VAV3: variants seen among roughly 807,000 people sequenced by gnomAD.
VAV3 encodes the protein vav guanine nucleotide exchange factor 3.
Under a neutral mutation model 131.2 loss-of-function variants are expected in VAV3, and 94 were observed. The observed-to-expected ratio is 0.72, with a 90% confidence interval of 0.61 to 0.85. The LOEUF (loss-of-function observed/expected upper bound fraction) is 0.85, where lower values mean the gene tolerates loss of function less well. Among genes scored for constraint, VAV3 ranks in the 40% least tolerant of loss-of-function variants. VAV3 has a pLI of 0.00. For synonymous variants in VAV3, 349 were observed against 342.0 expected (o/e 1.02, Z -0.22); for missense variants, 939 against 1,002.7 (o/e 0.94, Z 0.86).
At chr1:107,823,582 A>G (rs1667890661) in intron 2 of VAV3, among the ~76,000 whole-genome samples, 1 of 152,170 alleles carries the variant, frequency 6.6e-6, no homozygotes, top group South Asian at 2.1e-4. Context: ...AGCTGAGCAA[A>G]GAGACAGAAG....
At chr1:107,633,568 T>C (rs988371485) in intron 20 of VAV3, among the ~76,000 whole-genome samples, 2 of 152,196 alleles carry the variant, frequency 1.3e-5, no homozygotes, top group Admixed American at 6.5e-5. Context: ...ACTGTTATTT[T>C]GGTATCCTGG....
Position 107,571,895 on chromosome 1 carries a change from G to A in VAV3, c.*1436C>T, listed in dbSNP as rs1023203867. Reference sequence around the variant, plus strand: ...ACCCAGACGGATTGATGAGAGGGCAGGCTACACCTGCTTCATTTCAGAGAT... The same window carrying A: ...ACCCAGACGGATTGATGAGAGGGCAAGCTACACCTGCTTCATTTCAGAGAT... On this transcript the variant is annotated 3_prime_UTR_variant, in exon 27 of 27. Coordinates refer to ENST00000370056, the MANE Select transcript of VAV3 (RefSeq NM_006113.5). 6.6e-6 allele frequency: 1 copy of A among 152,604 alleles called. No individual in the cohort carries two copies. The highest frequency in any genetic ancestry group is 1.5e-5 in the Non-Finnish European group (1 of 68,018). 9.5% of individuals were successfully genotyped at this position (152,604 alleles called of 1,614,324 possible). A position where few individuals can be genotyped will look rare whatever the true frequency, so the allele number is the denominator to read the frequency against.
intron 2 of VAV3, among the ~76,000 whole-genome samples, chr1:107,781,505 T>C (rs1557843212): frequency 6.6e-6 from 1 of 152,168 alleles, no homozygotes; most frequent in African/African-American, 2.4e-5. Context: ...GTTGCACAGA[T>C]CAATACATAT....
At chr1:107,933,154 C>T (rs1179660663) in intron 1 of VAV3, among the ~76,000 whole-genome samples, 1 of 152,088 alleles carries the variant, frequency 6.6e-6, no homozygotes, top group African/African-American at 2.4e-5. Context: ...AATGACAGTA[C>T]AGTGTAAATA....
At chr1:107,808,856 C>A (rs1180005751) in intron 2 of VAV3, among the ~76,000 whole-genome samples, 1 of 152,086 alleles carries the variant, frequency 6.6e-6, no homozygotes, top group African/African-American at 2.4e-5. Context: ...ACTGCTGTAT[C>A]AAAATATTTA....
At chr1:107,691,785 G>A (rs778547779) in intron 17 of VAV3, among the ~76,000 whole-genome samples, 6 of 152,114 alleles carry the variant, frequency 3.9e-5, no homozygotes, top group Non-Finnish European at 7.4e-5. Context: ...ATATAATTCT[G>A]AGAAGTGGTG....
chr1:107,725,557 C>T (rs1291867292), intron 15 of VAV3, among the ~76,000 whole-genome samples: 2 of 152,108 alleles, frequency 1.3e-5, no homozygotes, highest in African/African-American at 4.8e-5. Context: ...CTGTGTTGCC[C>T]AGTCTGGAGT....
chr1:107,883,807 C>T (rs1332572255), intron 1 of VAV3, among the ~76,000 whole-genome samples: 1 of 152,170 alleles, frequency 6.6e-6, no homozygotes, highest in African/African-American at 2.4e-5. Flanking sequence ...TAAGAGGAAG[C>T]ACTGCACCCC....
At chr1:107,737,620 G>T (rs1320034005) in intron 15 of VAV3, among the ~76,000 whole-genome samples, 2 of 152,168 alleles carry the variant, frequency 1.3e-5, no homozygotes, top group African/African-American at 2.4e-5. Context: ...ATCATCACTG[G>T]CCGTCAGAGA....
chr1:107,767,344 C>T (rs1664790746), intron 7 of VAV3, among the ~76,000 whole-genome samples: 1 of 152,192 alleles, frequency 6.6e-6, no homozygotes, highest in Non-Finnish European at 1.5e-5. Flanking sequence ...CCCATTATCT[C>T]ATCCTGTGTA....
intron 25 of VAV3, among the ~76,000 whole-genome samples, chr1:107,590,289 T>C (rs1650847362): frequency 6.6e-6 from 1 of 152,230 alleles, no homozygotes; most frequent in South Asian, 2.1e-4. Flanking sequence ...CACTCTAATA[T>C]CTGCTGTGTC....
At chr1:107,889,365 G>A (rs1161603527) in intron 1 of VAV3, among the ~76,000 whole-genome samples, 1 of 152,056 alleles carries the variant, frequency 6.6e-6, no homozygotes, top group Non-Finnish European at 1.5e-5. Flanking sequence ...AAATGTAATG[G>A]CATGAAGAAT....
chr1:107,904,788 G>A (rs1447669414), intron 1 of VAV3, among the ~76,000 whole-genome samples: 3 of 152,206 alleles, frequency 2.0e-5, no homozygotes, highest in African/African-American at 7.2e-5. Flanking sequence ...TTTGGGGTAA[G>A]AGGGTGGAGA....
intron 8 of VAV3, among the ~76,000 whole-genome samples, chr1:107,765,905 AAG>A (rs1383017178): frequency 6.6e-6 from 1 of 152,190 alleles, no homozygotes; most frequent in Non-Finnish European, 1.5e-5. Flanking sequence ...TTGATTTGAA[AAG>A]AGAGATAATT....
chr1:107,846,215 G>C (rs187030853), intron 2 of VAV3, among the ~76,000 whole-genome samples: 1 of 152,236 alleles, frequency 6.6e-6, no homozygotes, highest in Non-Finnish European at 1.5e-5. Context: ...ATAAGCAAAG[G>C]AGAAACAAAA....
chr1:107,690,897 T>C (rs1307677223), intron 17 of VAV3, among the ~76,000 whole-genome samples: 2 of 152,188 alleles, frequency 1.3e-5, no homozygotes, highest in Non-Finnish European at 2.9e-5. Context: ...CTGTTTGCAC[T>C]CTGATCTGAT....
rs549965509 is a variant in VAV3 at position 107,658,518 on chromosome 1, C to T, written c.1778-15763G>A. On this transcript the variant is annotated intron_variant, in intron 19 of 26. Coordinates refer to ENST00000370056, the MANE Select transcript of VAV3 (RefSeq NM_006113.5). ...TTCTAGTTCTAGATCCCTGAGGAAT[C>T]GCCACACTGACTTCCACAATGGTTG... is the stretch of plus-strand genomic sequence containing the variant. Among the ~76,000 whole-genome samples the T allele has an allele frequency of 2.5e-3, 374 of 152,112 alleles. 1 individual carries two copies. Among genetic ancestry groups the T allele is most frequent in the African/African-American group, 7.3e-3 (304 of 41,464 alleles).
intron 17 of VAV3, among the ~76,000 whole-genome samples, chr1:107,700,422 T>C (rs977407853): frequency 2.6e-5 from 4 of 152,216 alleles, no homozygotes; most frequent in African/African-American, 9.6e-5. Context: ...AAGTGCAGCA[T>C]GCATTAGCTA....
chr1:107,754,601 T>C (rs13375446), intron 12 of VAV3, among the ~76,000 whole-genome samples: 35,491 of 152,140 alleles, frequency 0.23, 4,504 homozygotes, highest in Non-Finnish European at 0.27. Flanking sequence ...AACCTTTTAA[T>C]AGCTTCCCAC....
Sources: allele counts gnomAD v4.1 joint callset (sites outside exome capture counted in the v4.1 genomes callset), GRCh38; gene constraint gnomAD v4.1.1; transcripts MANE v1.5; gene names NCBI Gene and HGNC (gene_info 2026-07-23, HGNC 2026-07-21).